Variants in KDM4C observed in about 807,000 individuals in gnomAD.
KDM4C encodes lysine-specific demethylase 4C.
In KDM4C, 81 loss-of-function variants were observed where a neutral mutation model predicts 129.3. That is an observed-to-expected ratio of 0.63 (90% CI 0.52 to 0.75). KDM4C has a LOEUF of 0.75. Among genes scored for constraint, KDM4C ranks in the 30% least tolerant of loss-of-function variants. The pLI, the probability that KDM4C is intolerant of heterozygous loss-of-function variation, is 0.00. For missense variants in KDM4C, 1,457 were observed against 1,304.0 expected (o/e 1.12, Z -1.81); for synonymous variants, 573 against 456.1 (o/e 1.26, Z -3.26).
intron 9 of KDM4C, among the ~76,000 whole-genome samples, chr9:6,981,392 T>G (rs1816741473): frequency 2.0e-5 from 3 of 152,176 alleles, no homozygotes; most frequent in African/African-American, 7.2e-5. Context: ...CATGAATGTG[T>G]TTTATGGTTG....
At chr9:7,031,506 A>G (rs1179825881) in intron 15 of KDM4C, among the ~76,000 whole-genome samples, 1 of 152,118 alleles carries the variant, frequency 6.6e-6, no homozygotes, top group Non-Finnish European at 1.5e-5. Flanking sequence ...AGCAAACTAT[A>G]TCTTGATGAT....
chr9:6,906,539 A>G (rs1302896921), intron 8 of KDM4C, among the ~76,000 whole-genome samples: 1 of 152,184 alleles, frequency 6.6e-6, no homozygotes, highest in Admixed American at 6.5e-5. Flanking sequence ...AGCTGGGACT[A>G]CAGGTGCTCC....
At chr9:7,034,347 C>T (rs936692687) in intron 15 of KDM4C, among the ~76,000 whole-genome samples, 13 of 152,184 alleles carry the variant, frequency 8.5e-5, no homozygotes, top group Non-Finnish European at 1.6e-4. Flanking sequence ...ACACATCTCT[C>T]CCAATTCCTC....
chr9:7,037,748 C>T (rs957509597), intron 15 of KDM4C, among the ~76,000 whole-genome samples: 1 of 152,068 alleles, frequency 6.6e-6, no homozygotes, highest in African/African-American at 2.4e-5. Flanking sequence ...AAAAAATATA[C>T]AGCAGAATGG....
intron 1 of KDM4C, among the ~76,000 whole-genome samples, chr9:6,782,586 G>C (rs1824601739): frequency 2.6e-5 from 4 of 152,120 alleles, no homozygotes; most frequent in Admixed American, 6.6e-5. Context: ...TCTATATATA[G>C]CACAGCAAAG....
In KDM4C at chr9:7,134,238, G is replaced by A. The variant is rs141086105; in HGVS notation, c.2781+6002G>A. Among the ~76,000 whole-genome samples the A allele has an allele frequency of 5.6e-3, 860 of 152,328 alleles. 12 individuals are homozygous for A. Among genetic ancestry groups the A allele is most frequent in the African/African-American group, 0.02 (826 of 41,578 alleles). ...ATCTTGACTGTGGAGTTGGGAATCC[G>A]TGAGATGAAAGGCTTCACCAAATTC... On this transcript the variant is annotated intron_variant, in intron 19 of 21. Coordinates refer to ENST00000381309, the MANE Select transcript of KDM4C (RefSeq NM_015061.6).
At chr9:6,996,242 G>C (rs1287510505) in intron 12 of KDM4C, among the ~76,000 whole-genome samples, 1 of 152,130 alleles carries the variant, frequency 6.6e-6, no homozygotes, top group Non-Finnish European at 1.5e-5. Context: ...CACTTTAATC[G>C]TGCTGACGCC....
At chr9:6,995,369 A>G (rs1289977280) in intron 12 of KDM4C, among the ~76,000 whole-genome samples, 1 of 152,144 alleles carries the variant, frequency 6.6e-6, no homozygotes, top group Non-Finnish European at 1.5e-5. Flanking sequence ...ACACACACAC[A>G]ATGTGGTATT....
chr9:7,064,395 A>G (rs567345451), intron 17 of KDM4C, among the ~76,000 whole-genome samples: 1 of 152,320 alleles, frequency 6.6e-6, no homozygotes, highest in East Asian at 1.9e-4. Flanking sequence ...AAAGATGCAT[A>G]ATGTGGAGTA....
intron 15 of KDM4C, among the ~76,000 whole-genome samples, chr9:7,036,732 A>C (rs1028368525): frequency 6.6e-6 from 1 of 152,200 alleles, no homozygotes; most frequent in African/African-American, 2.4e-5. Context: ...AGTTGGTTAG[A>C]ATTCAAGCCT....
At chr9:7,143,066 C>T (rs1841910831) in intron 19 of KDM4C, among the ~76,000 whole-genome samples, 2 of 152,068 alleles carry the variant, frequency 1.3e-5, no homozygotes, top group Admixed American at 6.5e-5. Flanking sequence ...CACTGAAGTC[C>T]CACTCCCTCC....
chr9:7,045,585 G>C (rs951231493), intron 15 of KDM4C, among the ~76,000 whole-genome samples: 4 of 151,882 alleles, frequency 2.6e-5, no homozygotes, highest in African/African-American at 9.7e-5. Context: ...AAGGCCTCTA[G>C]GATATGGCTT....
intron 17 of KDM4C, among the ~76,000 whole-genome samples, chr9:7,101,674 A>G (rs1837106833): frequency 6.6e-6 from 1 of 152,212 alleles, no homozygotes; most frequent in Non-Finnish European, 1.5e-5. Context: ...CTGTCTTCTT[A>G]CGCCTTTTTA....
intron 1 of KDM4C, among the ~76,000 whole-genome samples, chr9:6,777,301 C>G (rs894439576): frequency 6.6e-6 from 1 of 152,218 alleles, no homozygotes; most frequent in African/African-American, 2.4e-5. Flanking sequence ...CTCAGCAAAA[C>G]CTCAGTAACT....
intron 1 of KDM4C, among the ~76,000 whole-genome samples, chr9:6,765,319 T>A (rs772792201): frequency 6.6e-6 from 1 of 152,162 alleles, no homozygotes; most frequent in Non-Finnish European, 1.5e-5. Flanking sequence ...TCTCCTCTCA[T>A]TTTCCCCCTT....
Position 6,888,782 on chromosome 9 carries a change from T to G in KDM4C, c.783+719T>G, listed in dbSNP as rs13296544. Among the ~76,000 whole-genome samples the G allele has an allele frequency of 1.1e-4, 14 of 132,684 alleles. 1 individual carries two copies. Among genetic ancestry groups the G allele is most frequent in the Non-Finnish European group, 2.1e-4 (13 of 61,376 alleles). The allele number at this position is 132,684 out of a possible 152,430, so 87.0% of individuals were successfully genotyped here. ...AAAAATAGCTCTTCCTTCTTCTGTGTTTTTTTTTTTTTTTTTTTTTTTTGA... is the reference window on the plus strand; with the variant it reads ...AAAAATAGCTCTTCCTTCTTCTGTGGTTTTTTTTTTTTTTTTTTTTTTTGA... On this transcript the variant is annotated intron_variant, in intron 7 of 21. Coordinates refer to ENST00000381309, the MANE Select transcript of KDM4C (RefSeq NM_015061.6).
chr9:6,813,815 T>C (rs2131135245), intron 3 of KDM4C, among the ~76,000 whole-genome samples: 1 of 152,332 alleles, frequency 6.6e-6, no homozygotes, highest in East Asian at 1.9e-4. Flanking sequence ...AAACTGTAAA[T>C]AGGATATAGT....
chr9:6,829,544 C>T (rs1834451677), intron 4 of KDM4C, among the ~76,000 whole-genome samples: 1 of 152,198 alleles, frequency 6.6e-6, no homozygotes, highest in Non-Finnish European at 1.5e-5. Flanking sequence ...ATAGTCAACA[C>T]ATTGATAGAT....
At chr9:6,800,703 T>C (rs1220014155) in intron 2 of KDM4C, among the ~76,000 whole-genome samples, 1 of 152,218 alleles carries the variant, frequency 6.6e-6, no homozygotes, top group Non-Finnish European at 1.5e-5. Context: ...CTTGGCTCAC[T>C]GCAGCCTTGT....
Sources: gnomAD v4.1 joint callset for allele counts (sites outside exome capture counted in the v4.1 genomes callset) on GRCh38, gnomAD v4.1.1 for gene constraint, MANE v1.5 for transcripts, NCBI Gene and HGNC (gene_info 2026-07-23, HGNC 2026-07-21) for gene names.